The following INTU variants were observed in gnomAD, a reference collection of about 807,000 sequenced individuals.
INTU encodes inturned planar cell polarity protein, also known as protein inturned.
In INTU, 68 loss-of-function variants were observed where a neutral mutation model predicts 100.5. That is an observed-to-expected ratio of 0.68 (90% CI 0.56 to 0.83). The LOEUF (loss-of-function observed/expected upper bound fraction) is 0.83. Among genes scored for constraint, INTU ranks in the 40% least tolerant of loss-of-function variants. The pLI is 0.00. For synonymous variants in INTU, 357 were observed against 395.7 expected (o/e 0.90, Z 1.16); for missense variants, 1,071 against 1,114.7 (o/e 0.96, Z 0.56).
In INTU at chr4:127,645,022, C is replaced by CA. The variant is rs749532503; in HGVS notation, c.682+967dup. On this transcript the variant is annotated intron_variant, in intron 2 of 15. Transcript: ENST00000335251. ...GTGGAAGAGACGGGTTACAGATAGG[C>CA]AGGCAGCTCCTCACTGTCTGATAAG... Among the ~76,000 whole-genome samples, 5 of 152,184 alleles carry CA rather than the reference C, an allele frequency of 3.3e-5. No individual in the cohort carries two copies. The South Asian group carries it at 6.2e-4, about 19-fold the overall frequency.
At position 127,718,920 on chromosome 4, in the gene INTU, T is replaced by A. The variant is rs769319957; in HGVS notation, c.*2484T>A. ...GGGGTTTTCTAGATATAGGATAATG[T>A]CCTCTGCAAACAAAGACATTTTGAC... On this transcript the variant is annotated 3_prime_UTR_variant, in exon 16 of 16. Transcript: ENST00000335251. 6.6e-6 allele frequency: 1 copy of A among 152,194 alleles called. No individual in the cohort carries two copies. The highest frequency in any genetic ancestry group is 1.5e-5 in the Non-Finnish European group (1 of 68,038). The allele number at this position is 152,194 out of a possible 1,614,324, so 9.4% of individuals were successfully genotyped here. A position where few individuals can be genotyped will look rare whatever the true frequency, so the allele number is the denominator to read the frequency against.
At chr4:127,658,965 G>A (rs1171190510) in intron 3 of INTU, among the ~76,000 whole-genome samples, 2 of 152,100 alleles carry the variant, frequency 1.3e-5, no homozygotes, top group East Asian at 1.9e-4. Context: ...ACAGGAGACA[G>A]TGACAGATTA....
At chr4:127,644,124 A>G in intron 2 of INTU, 68 bp downstream of exon 2, 2 of 1,473,240 alleles carry the variant, frequency 1.4e-6, no homozygotes, top group Non-Finnish European at 9.2e-7. Flanking sequence ...ACCTTGCGGG[A>G]AATGTGATAA....
chr4:127,691,966 A>G lies in INTU; in HGVS notation c.1449+4099A>G, dbSNP rs192804985. Among the ~76,000 whole-genome samples the G allele has an allele frequency of 6.0e-3, 766 of 126,992 alleles. 63 individuals are homozygous for G. The highest frequency in any genetic ancestry group is 9.1e-3 in the Non-Finnish European group (534 of 58,846). 83.3% of individuals were successfully genotyped at this position (126,992 alleles called of 152,430 possible). ...GAGTATAGTGTTCCATGGTATGTAT[A>G]TATATATATATATATGTCACATTTT... On this transcript the variant is annotated intron_variant, in intron 8 of 15. Transcript: ENST00000335251.
Position 127,716,452 on chromosome 4 carries a change from G to A in INTU, c.*16G>A. On this transcript the variant is annotated 3_prime_UTR_variant, in exon 16 of 16. Transcript: ENST00000335251. Reference sequence around the variant, plus strand: ...AACCTTGTAGCTGTGCTTTCTTGATGCGTAGAAACACGTGCATGGAGGATC... The same window carrying A: ...AACCTTGTAGCTGTGCTTTCTTGATACGTAGAAACACGTGCATGGAGGATC... 7.8e-7 allele frequency: 1 copy of A among 1,275,236 alleles called. No homozygotes were observed. Among genetic ancestry groups the A allele is most frequent in the Non-Finnish European group, 1.1e-6 (1 of 901,528 alleles). 79.0% of individuals were successfully genotyped at this position (1,275,236 alleles called of 1,614,324 possible).
At position 127,656,758 on chromosome 4, in the gene INTU, A is replaced by G; in HGVS notation, c.768+37A>G. 6 of 1,260,404 alleles carry G rather than the reference A, an allele frequency of 4.8e-6. No homozygotes were observed. The South Asian group carries it at 6.8e-5, about 14-fold the overall frequency. The allele number at this position is 1,260,404 out of a possible 1,614,324, so 78.1% of individuals were successfully genotyped here. ...CTTTTTCTATATTTTATGATGTTAC[A>G]TAAAATAAATATATAAATATATCGT... On this transcript the variant is annotated intron_variant, in intron 3 of 15. Transcript: ENST00000335251.
At position 127,724,742 on chromosome 4, in the gene INTU, G is replaced by C. The variant is rs1007043357; in HGVS notation, c.*8306G>C. 2 of 151,896 alleles carry C rather than the reference G, an allele frequency of 1.3e-5. No individual in the cohort carries two copies. Among genetic ancestry groups the C allele is most frequent in the African/African-American group, 4.8e-5 (2 of 41,348 alleles). The allele number at this position is 151,896 out of a possible 1,614,324, so 9.4% of individuals were successfully genotyped here. On this transcript the variant is annotated 3_prime_UTR_variant, in exon 16 of 16. Transcript: ENST00000335251. ...AAGCTATACCAGCACATCTAAAATCGGTCTCTACATTTTTCCATCTTAAAT... is the reference window on the plus strand; with the variant it reads ...AAGCTATACCAGCACATCTAAAATCCGTCTCTACATTTTTCCATCTTAAAT...
At chr4:127,676,981 G>A (rs1365075052) in intron 6 of INTU, among the ~76,000 whole-genome samples, 6 of 152,102 alleles carry the variant, frequency 3.9e-5, no homozygotes, top group East Asian at 1.9e-4. Flanking sequence ...CTACGCCCAC[G>A]GAGTCTCGCT....
chr4:127,683,171 C>T (rs771310373), intron 6 of INTU, among the ~76,000 whole-genome samples: 1 of 152,110 alleles, frequency 6.6e-6, no homozygotes, highest in Non-Finnish European at 1.5e-5. Flanking sequence ...GGAAGGGAGG[C>T]CATCTTCCCT....
intron 13 of INTU, among the ~76,000 whole-genome samples, chr4:127,710,323 CCTAT>C (rs1208743322): frequency 6.6e-6 from 1 of 151,722 alleles, no homozygotes; most frequent in Non-Finnish European, 1.5e-5. Flanking sequence ...CTTTTATGCA[CCTAT>C]CTTTGTAAAA....
At chr4:127,648,228 G>C (rs1727677756) in intron 2 of INTU, among the ~76,000 whole-genome samples, 1 of 152,056 alleles carries the variant, frequency 6.6e-6, no homozygotes, top group South Asian at 2.1e-4. Context: ...CCTTTCCTTG[G>C]GTTTAGGATG....
At chr4:127,663,701 C>G (rs1005579539) in intron 4 of INTU, 117 bp downstream of exon 4, 12 of 712,398 alleles carry the variant, frequency 1.7e-5, no homozygotes, top group Non-Finnish European at 2.5e-5. Flanking sequence ...AAGCAAGAGA[C>G]AAAAATGAAT....
In INTU at chr4:127,643,863, TTATG is replaced by T. The variant is rs772436911; in HGVS notation, c.492_495del (p.Tyr164Ter). 1 of 1,614,122 alleles carries T rather than the reference TTATG, an allele frequency of 6.2e-7. No individual in the cohort carries two copies. Among genetic ancestry groups the T allele is most frequent in the Non-Finnish European group, 8.5e-7 (1 of 1,180,010 alleles). The stretch of plus-strand genomic sequence containing the variant: ...AACAGCGATACAAAGATGTGAATGT[TTATG>T]TAAACCCCAAAAAGCTAACTGTTAT... On this transcript the variant is annotated frameshift_variant, in exon 2 of 16. Coordinates refer to ENST00000335251, the MANE Select transcript of INTU (RefSeq NM_015693.4). LOFTEE classifies it high-confidence loss of function.
Position 127,684,471 on chromosome 4 carries a change from A to G in INTU, c.1244A>G (p.Tyr415Cys), listed in dbSNP as rs777571454. 34 of 1,567,894 alleles carry G rather than the reference A, an allele frequency of 2.2e-5. No individual in the cohort carries two copies. Among genetic ancestry groups the G allele is most frequent in the Middle Eastern group, 1.7e-4 (1 of 5,966 alleles). The change falls in exon 7 of 16, where the codon TAT (tyrosine) becomes TGT (cysteine). Residue 415 changes from tyrosine to cysteine, a missense_variant. By Grantham distance (194) the Tyr-to-Cys change is radical (BLOSUM62 -2). Coordinates refer to ENST00000335251, the MANE Select transcript of INTU (RefSeq NM_015693.4). The part of the protein sequence containing the change: ...ENVIQTLKFM[Y>C]GSLDSAFCQI... Reference sequence around the variant, plus strand: ...GTCATCCAAACCTTAAAATTTATGTATGGTTCTTTAGATAGGTAAGTACTT... The same window carrying G: ...GTCATCCAAACCTTAAAATTTATGTGTGGTTCTTTAGATAGGTAAGTACTT...
chr4:127,654,677 T>C (rs1728091725), intron 2 of INTU, among the ~76,000 whole-genome samples: 2 of 149,038 alleles, frequency 1.3e-5, no homozygotes, highest in African/African-American at 4.9e-5. Context: ...ATTTCAACTT[T>C]GGTGAATCTG....
intron 4 of INTU, among the ~76,000 whole-genome samples, chr4:127,668,240 G>A (rs1466119202): frequency 2.0e-5 from 3 of 152,000 alleles, no homozygotes; most frequent in East Asian, 1.9e-4. Flanking sequence ...TTAGCACAGC[G>A]CACATCCTGA....
At chr4:127,641,620 G>A (rs1727338705) in intron 1 of INTU, among the ~76,000 whole-genome samples, 1 of 152,092 alleles carries the variant, frequency 6.6e-6, no homozygotes, top group Non-Finnish European at 1.5e-5. Flanking sequence ...TGACTTTCCT[G>A]TATGGCTAAG....
rs557790873 is a variant in INTU, at chr4:127,717,309, G to T, written c.*873G>T. On this transcript the variant is annotated 3_prime_UTR_variant, in exon 16 of 16. Coordinates refer to ENST00000335251, the MANE Select transcript of INTU (RefSeq NM_015693.4). ...CAGCTTCATCCATGTCCCTGCAGAG[G>T]ACATGATCTCATACCTTTTTGTGGC... The T allele has an allele frequency of 7.9e-5, 12 of 152,252 alleles. No individual in the cohort carries two copies. The South Asian group carries it at 2.3e-3, about 29-fold the overall frequency. 9.4% of individuals were successfully genotyped at this position (152,252 alleles called of 1,614,324 possible). A position where few individuals can be genotyped will look rare whatever the true frequency, so the allele number is the denominator to read the frequency against.
At chr4:127,673,250 A>G (rs1468038552) in intron 5 of INTU, among the ~76,000 whole-genome samples, 1 of 151,874 alleles carries the variant, frequency 6.6e-6, no homozygotes. Flanking sequence ...AATCATGGCT[A>G]ACCGCAGCCT....
Sources: allele counts gnomAD v4.1 joint callset (sites outside exome capture counted in the v4.1 genomes callset), GRCh38; gene constraint gnomAD v4.1.1; transcripts MANE v1.5; gene names NCBI Gene and HGNC (gene_info 2026-07-23, HGNC 2026-07-21).